The following CALCR variants were observed in gnomAD, a reference collection of about 807,000 sequenced individuals.
The protein encoded by CALCR is calcitonin receptor.
Under a neutral mutation model 59.5 loss-of-function variants are expected in CALCR, and 47 were observed. The ratio of observed to expected loss-of-function variants is 0.79; its 90% CI spans 0.63 to 1.01. The LOEUF is 1.01. Among genes scored for constraint, CALCR ranks in the 50% least tolerant of loss-of-function variants. The pLI, the probability that CALCR is intolerant of heterozygous loss-of-function variation, is 0.00. For missense variants in CALCR, 566 were observed against 597.1 expected (o/e 0.95, Z 0.54); for synonymous variants, 213 against 211.3 (o/e 1.01, Z -0.07).
At chr7:93,555,834 A>G (rs1171116683) in intron 2 of CALCR, among the ~76,000 whole-genome samples, 1 of 152,202 alleles carries the variant, frequency 6.6e-6, no homozygotes, top group Non-Finnish European at 1.5e-5. Context: ...TGGGCTGATC[A>G]GTGGACAGAT....
intron 9 of CALCR, 129 bp downstream of exon 9, chr7:93,443,475 C>T: frequency 2.5e-6 from 2 of 807,622 alleles, no homozygotes; most frequent in Non-Finnish European, 3.9e-6. Flanking sequence ...CCTGCCAGTA[C>T]CTGTGTTCCA....
chr7:93,437,028 T>TTC (rs990222462), intron 11 of CALCR, among the ~76,000 whole-genome samples: 23 of 151,776 alleles, frequency 1.5e-4, no homozygotes, highest in African/African-American at 5.5e-4. Flanking sequence ...TGTTGAATCT[T>TTC]TTTTTTTAGT....
intron 2 of CALCR, among the ~76,000 whole-genome samples, chr7:93,508,440 A>T (rs979322307): frequency 1.3e-5 from 2 of 152,236 alleles, no homozygotes; most frequent in Non-Finnish European, 2.9e-5. Flanking sequence ...ACAAAATTCA[A>T]TCAAACTATT....
chr7:93,569,016 A>G (rs1268717659), intron 2 of CALCR, among the ~76,000 whole-genome samples: 1 of 151,910 alleles, frequency 6.6e-6, no homozygotes, highest in African/African-American at 2.4e-5. Flanking sequence ...TTTCTCTTTC[A>G]TCTCACCTCT....
chr7:93,426,652 C>T (rs1366830918), intron 13 of CALCR, 63 bp from the exon 14 acceptor site: 7 of 836,550 alleles, frequency 8.4e-6, no homozygotes, highest in South Asian at 6.6e-5. Context: ...GCAAAGTGTA[C>T]GAACATCGTT....
intron 7 of CALCR, among the ~76,000 whole-genome samples, chr7:93,465,970 G>C (rs913777597): frequency 6.6e-6 from 1 of 151,656 alleles, no homozygotes; most frequent in East Asian, 1.9e-4. Context: ...ACAGCTGCAG[G>C]GTTCCTCCTT....
intron 8 of CALCR, among the ~76,000 whole-genome samples, chr7:93,453,859 A>G (rs1800156693): frequency 6.6e-6 from 1 of 152,068 alleles, no homozygotes; most frequent in Non-Finnish European, 1.5e-5. Context: ...GAAATCCTCT[A>G]TACTTTTCTG....
At chr7:93,497,274 T>C (rs1421972881) in intron 2 of CALCR, among the ~76,000 whole-genome samples, 1 of 151,626 alleles carries the variant, frequency 6.6e-6, no homozygotes, top group East Asian at 1.9e-4. Flanking sequence ...TATTTTTACA[T>C]CATCATGCTA....
At chr7:93,566,427 G>T (rs573935724) in intron 2 of CALCR, among the ~76,000 whole-genome samples, 1 of 152,122 alleles carries the variant, frequency 6.6e-6, no homozygotes, top group Non-Finnish European at 1.5e-5. Context: ...GCCTATAAGA[G>T]ATCGGCTGAA....
chr7:93,446,348 G>GTGTTTCA (rs1027860807), intron 8 of CALCR, among the ~76,000 whole-genome samples: 16 of 151,930 alleles, frequency 1.1e-4, no homozygotes, highest in African/African-American at 2.7e-4. Flanking sequence ...ACTTAGATCG[G>GTGTTTCA]TGTTTCATAA....
chr7:93,503,158 G>A (rs1054626837), intron 2 of CALCR, among the ~76,000 whole-genome samples: 4 of 152,018 alleles, frequency 2.6e-5, no homozygotes, highest in Non-Finnish European at 5.9e-5. Context: ...GGCAGCTGAA[G>A]CACCCTCTGT....
chr7:93,486,837 A>C, intron 3 of CALCR, 94 bp downstream of exon 3: 1 of 804,870 alleles, frequency 1.2e-6, no homozygotes, highest in Non-Finnish European at 2.1e-6. Flanking sequence ...ACCAATGCCT[A>C]CCCTTGCAAA....
intron 7 of CALCR, 77 bp downstream of exon 7, chr7:93,468,638 C>T (rs1584559791): frequency 2.1e-6 from 2 of 973,826 alleles, no homozygotes; most frequent in Non-Finnish European, 3.2e-6. Flanking sequence ...TTCCCCACCT[C>T]CACTCTTGCA....
intron 7 of CALCR, among the ~76,000 whole-genome samples, chr7:93,461,308 C>T (rs1219266855): frequency 6.6e-6 from 1 of 152,096 alleles, no homozygotes; most frequent in Non-Finnish European, 1.5e-5. Context: ...GAAAAGCCTA[C>T]TGTTCATTGT....
chr7:93,566,393 T>C (rs936024122), intron 2 of CALCR, among the ~76,000 whole-genome samples: 3 of 152,172 alleles, frequency 2.0e-5, no homozygotes, highest in Non-Finnish European at 2.9e-5. Context: ...GGTGGCCTGA[T>C]TGAGTTGGAG....
intron 8 of CALCR, among the ~76,000 whole-genome samples, chr7:93,453,387 G>A (rs1346875365): frequency 6.6e-6 from 1 of 152,006 alleles, no homozygotes; most frequent in African/African-American, 2.4e-5. Flanking sequence ...CATCTGTTAA[G>A]TAGAAGAGCG....
chr7:93,436,827 A>G (rs1799788719), intron 11 of CALCR, among the ~76,000 whole-genome samples: 1 of 152,178 alleles, frequency 6.6e-6, no homozygotes, highest in African/African-American at 2.4e-5. Flanking sequence ...ATCAGAATTT[A>G]CTTTTTCCCC....
chr7:93,544,387 A>G (rs1288128330), intron 2 of CALCR, among the ~76,000 whole-genome samples: 2 of 152,114 alleles, frequency 1.3e-5, no homozygotes, highest in Non-Finnish European at 2.9e-5. Context: ...ATCTCTCATC[A>G]TTAGTAAATT....
At chr7:93,456,744 T>C (rs1022395343) in intron 8 of CALCR, among the ~76,000 whole-genome samples, 1 of 152,154 alleles carries the variant, frequency 6.6e-6, no homozygotes, top group African/African-American at 2.4e-5. Context: ...AAAAATACAT[T>C]GGAAGAACCA....
Sources: gnomAD v4.1 joint callset for allele counts (sites outside exome capture counted in the v4.1 genomes callset) on GRCh38, gnomAD v4.1.1 for gene constraint, MANE v1.5 for transcripts, NCBI Gene and HGNC (gene_info 2026-07-23, HGNC 2026-07-21) for gene names.